Variants in HCN2 observed in about 807,000 individuals in gnomAD.
HCN2 encodes the protein hyperpolarization activated cyclic nucleotide gated potassium and sodium channel 2.
In HCN2, 20 loss-of-function variants were observed where a neutral mutation model predicts 52.3. The ratio of observed to expected loss-of-function variants is 0.38; its 90% CI spans 0.27 to 0.56. The LOEUF (loss-of-function observed/expected upper bound fraction) is 0.56, where lower values mean the gene tolerates loss of function less well. Ranked by LOEUF, HCN2 falls within the 20% of genes least tolerant of loss-of-function variation. The pLI is 0.71. For missense variants in HCN2, 981 were observed against 1,207.7 expected, an observed-to-expected ratio of 0.81 and a Z score of 2.78; for synonymous variants, 694 against 537.0, an observed-to-expected ratio of 1.29 and a Z score of -4.04.
Position 605,227 on chromosome 19 carries a change from G to C in HCN2, c.1218+5G>C. The C allele has an allele frequency of 6.2e-7, 1 of 1,609,800 alleles. No individual in the cohort carries two copies. Among genetic ancestry groups the C allele is most frequent in the Non-Finnish European group, 8.5e-7 (1 of 1,179,056 alleles). ...GTGTCCATCAATGGCATGGTGGTGA[G>C]CGCCGCGGGCCCTGACGGAGGGGGA... On this transcript the variant is annotated splice_donor_5th_base_variant and intron_variant, in intron 3 of 7. Transcript: ENST00000251287.
chr19:596,776 CT>C (rs1412362841), intron 1 of HCN2, among the ~76,000 whole-genome samples: 1 of 152,094 alleles, frequency 6.6e-6, no homozygotes, highest in African/African-American at 2.4e-5. Flanking sequence ...GGCTTTGGGC[CT>C]TCCCCTGACC....
rs545640276 is a variant in HCN2 at position 601,075 on chromosome 19, G to C, written c.633-2469G>C. Among the ~76,000 whole-genome samples the C allele has an allele frequency of 1.5e-3, 230 of 152,222 alleles. 1 individual carries two copies. The highest frequency in any genetic ancestry group is 2.5e-3 in the South Asian group (12 of 4,828). On this transcript the variant is annotated intron_variant, in intron 1 of 7. Transcript: ENST00000251287. Reference sequence around the variant, plus strand: ...CAGGCCGGTAATCCCCACACTTTGCGAGGCCTAGGCAGAAGGATCATGAGG... The same window carrying C: ...CAGGCCGGTAATCCCCACACTTTGCCAGGCCTAGGCAGAAGGATCATGAGG...
At position 590,682 on chromosome 19, in the gene HCN2, CG is replaced by C; in HGVS notation, c.632+107del. ...GGGAGGGCGGGGCGGCGCGCCGGGC[CG>C]GTGACCTCGGGGCTCCTCGGTGACC... On this transcript the variant is annotated intron_variant, in intron 1 of 7. Coordinates refer to ENST00000251287, the MANE Select transcript of HCN2 (RefSeq NM_001194.4). This position sits in a 1 kb window ranked among gnomAD's most constrained non-coding sequence, Gnocchi z 7.2. 4.4e-6 allele frequency: 4 copies of C among 899,220 alleles called. No individual in the cohort carries two copies. Among genetic ancestry groups the C allele is most frequent in the Non-Finnish European group, 5.8e-6 (4 of 690,292 alleles). 55.7% of individuals were successfully genotyped at this position (899,220 alleles called of 1,614,324 possible).
rs936311996 is a variant in HCN2, at chr19:616,586, G to C, written c.*112G>C. 1 of 618,502 alleles carries C rather than the reference G, an allele frequency of 1.6e-6. No individual in the cohort carries two copies. Among genetic ancestry groups the C allele is most frequent in the Admixed American group, 5.4e-5 (1 of 18,674 alleles). 38.3% of individuals were successfully genotyped at this position (618,502 alleles called of 1,614,324 possible). A position where few individuals can be genotyped will look rare whatever the true frequency, so the allele number is the denominator to read the frequency against. Reference sequence around the variant, plus strand: ...GCCAGTCCGCCCAGAAGCCATAGACGAGACGTAGGTAGCCGTAGTTGGACG... The same window carrying C: ...GCCAGTCCGCCCAGAAGCCATAGACCAGACGTAGGTAGCCGTAGTTGGACG... On this transcript the variant is annotated 3_prime_UTR_variant, in exon 8 of 8. Coordinates refer to ENST00000251287, the MANE Select transcript of HCN2 (RefSeq NM_001194.4).
rs574634376 is a variant in HCN2 at position 601,320 on chromosome 19, AAAAG to A, written c.633-2220_633-2217del. ...AGGGTGAGACTCCGTCTCGGAAAAA[AAAAG>A]AAATGGCTTCTCTCACTGAACGTGA... On this transcript the variant is annotated intron_variant, in intron 1 of 7. Transcript: ENST00000251287. Among the ~76,000 whole-genome samples the A allele has an allele frequency of 5.1e-4, 78 of 152,294 alleles. No homozygotes were observed. In the Middle Eastern group the frequency reaches 0.01, roughly 20 times the overall value.
intron 1 of HCN2, among the ~76,000 whole-genome samples, chr19:600,916 C>T (rs1321943933): frequency 1.3e-5 from 2 of 152,208 alleles, no homozygotes; most frequent in Non-Finnish European, 2.9e-5. Flanking sequence ...CGGACAGAAA[C>T]CGCACCCCGC....
At chr19:601,586 A>G (rs549127310) in intron 1 of HCN2, among the ~76,000 whole-genome samples, 5 of 150,540 alleles carry the variant, frequency 3.3e-5, no homozygotes, top group Admixed American at 3.3e-4. Context: ...GTCCGCAATC[A>G]AGCTGGTGTG....
rs941646604 is a variant in HCN2 at position 602,560 on chromosome 19, C to T, written c.633-984C>T. Among the ~76,000 whole-genome samples the T allele has an allele frequency of 2.6e-5, 4 of 152,306 alleles. No homozygotes were observed. In the East Asian group the frequency reaches 5.8e-4, roughly 22 times the overall value. On this transcript the variant is annotated intron_variant, in intron 1 of 7. Transcript: ENST00000251287. Reference sequence around the variant, plus strand: ...CCCTCACCTCCCGGCGTGAGCTGAGCACGGTTCATTTCCCACCCTGGCTTC... The same window carrying T: ...CCCTCACCTCCCGGCGTGAGCTGAGTACGGTTCATTTCCCACCCTGGCTTC...
At chr19:611,556 A>G (rs911633350) in intron 5 of HCN2, among the ~76,000 whole-genome samples, 2 of 152,226 alleles carry the variant, frequency 1.3e-5, no homozygotes, top group Admixed American at 6.5e-5. Flanking sequence ...TGCTCCCAGG[A>G]GGCACACACT....
intron 1 of HCN2, among the ~76,000 whole-genome samples, chr19:601,338 C>T (rs1416391804): frequency 6.6e-6 from 1 of 152,194 alleles, no homozygotes; most frequent in African/African-American, 2.4e-5. Context: ...TGGCTTCTCT[C>T]ACTGAACGTG....
rs1401694087 is a variant in HCN2, at chr19:615,707, G to A, written c.1991-88G>A. ...TTGCTCTACACGGCAAGCACTGTGT[G>A]CGCACCCGCGGTGCAGAGTAGGTGC... On this transcript the variant is annotated intron_variant, in intron 7 of 7. Transcript: ENST00000251287. The A allele has an allele frequency of 5.1e-5, 67 of 1,307,802 alleles. No individual in the cohort carries two copies. In the South Asian group the frequency reaches 7.5e-4, roughly 15 times the overall value. The allele number at this position is 1,307,802 out of a possible 1,614,324, so 81.0% of individuals were successfully genotyped here. A position where few individuals can be genotyped will look rare whatever the true frequency, so the allele number is the denominator to read the frequency against.
At chr19:599,720 G>A (rs1324267811) in intron 1 of HCN2, among the ~76,000 whole-genome samples, 2 of 152,102 alleles carry the variant, frequency 1.3e-5, no homozygotes, top group South Asian at 2.1e-4. Context: ...CCCTGGAGGC[G>A]GAGCTTGCAG....
rs994808625 is a variant in HCN2 at position 601,354 on chromosome 19, C to T, written c.633-2190C>T. The stretch of plus-strand genomic sequence containing the variant: ...GGCTTCTCTCACTGAACGTGACGTC[C>T]TCAAGGGGCATCTGCGCCGTGGCCT... On this transcript the variant is annotated intron_variant, in intron 1 of 7. Coordinates refer to ENST00000251287, the MANE Select transcript of HCN2 (RefSeq NM_001194.4). Among the ~76,000 whole-genome samples, 5 of 152,204 alleles carry T rather than the reference C, an allele frequency of 3.3e-5. No homozygotes were observed. In the East Asian group the frequency reaches 9.6e-4, roughly 29 times the overall value.
chr19:607,409 T>C (rs1258145617), intron 3 of HCN2, among the ~76,000 whole-genome samples: 1 of 152,156 alleles, frequency 6.6e-6, no homozygotes, highest in Admixed American at 6.5e-5. Flanking sequence ...GGTCAGGAGC[T>C]ACAGAGGGAA....
Position 613,373 on chromosome 19 carries a change from C to T in HCN2, c.1710C>T (p.Tyr570=), listed in dbSNP as rs768408509. Residue 570 remains tyrosine (Y), a synonymous_variant, in exon 6 of 8, where the codon TAC becomes TAT. Transcript: ENST00000251287. ...LKFEVFQPGD[Y]IIREGTIGKK... is the part of the protein sequence containing the mutation. The stretch of plus-strand genomic sequence containing the variant: ...TCGAGGTCTTCCAGCCGGGTGACTA[C>T]ATCATCCGCGAAGGCACCATCGGGA... The T allele has an allele frequency of 6.2e-6, 10 of 1,612,938 alleles. No homozygotes were observed. Among genetic ancestry groups the T allele is most frequent in the Admixed American group, 3.3e-5 (2 of 59,982 alleles).
At position 589,924 on chromosome 19, in the gene HCN2, C is replaced by T; in HGVS notation, c.-22C>T. ...CGGCGGCGGCGGCGGCTCCGCTCCG[C>T]ACTGCCCGGCGCCGCCTCGCCATGG... is the stretch of plus-strand genomic sequence containing the variant. On this transcript the variant is annotated 5_prime_UTR_variant, in exon 1 of 8. Transcript: ENST00000251287. 3 of 920,828 alleles carry T rather than the reference C, an allele frequency of 3.3e-6. No homozygotes were observed. The highest frequency in any genetic ancestry group is 3.8e-6 in the Non-Finnish European group (3 of 782,988). The allele number at this position is 920,828 out of a possible 1,614,324, so 57.0% of individuals were successfully genotyped here. A position where few individuals can be genotyped will look rare whatever the true frequency, so the allele number is the denominator to read the frequency against.
chr19:600,065 C>T (rs1983156068), intron 1 of HCN2, among the ~76,000 whole-genome samples: 1 of 152,132 alleles, frequency 6.6e-6, no homozygotes. Context: ...AATTCAAGAC[C>T]CTCCCTTGTC....
Position 616,817 on chromosome 19 carries a change from G to GC in HCN2, c.*349dup, listed in dbSNP as rs1983966575. 2 of 157,868 alleles carry GC rather than the reference G, an allele frequency of 1.3e-5. No homozygotes were observed. Among genetic ancestry groups the GC allele is most frequent in the Non-Finnish European group, 2.6e-5 (2 of 75,982 alleles). The allele number at this position is 157,868 out of a possible 1,614,324, so 9.8% of individuals were successfully genotyped here. A position where few individuals can be genotyped will look rare whatever the true frequency, so the allele number is the denominator to read the frequency against. On this transcript the variant is annotated 3_prime_UTR_variant, in exon 8 of 8. Transcript: ENST00000251287. ...AGGAGCCGGCTGTGGAGCCCCGCCC[G>GC]CCCCCCACCCTCTAGGTGGCCCCCG...
At chr19:615,701 CTGT>C in intron 7 of HCN2, 91 bp from the exon 8 acceptor site, 1 of 1,231,826 alleles carries the variant, frequency 8.1e-7, no homozygotes, top group Non-Finnish European at 1.2e-6. Context: ...ACGGCAAGCA[CTGT>C]GTGCGCACCC....
Sources: gnomAD v4.1 joint callset for allele counts (sites outside exome capture counted in the v4.1 genomes callset) on GRCh38, gnomAD v4.1.1 for gene constraint, Gnocchi (gnomAD v3.1) non-coding constraint, MANE v1.5 for transcripts, NCBI Gene and HGNC (gene_info 2026-07-23, HGNC 2026-07-21) for gene names.